The following RAB28 variants were observed in gnomAD, a reference collection of about 807,000 sequenced individuals.
RAB28 encodes the protein ras-related protein Rab-28.
Under a neutral mutation model 31.7 loss-of-function variants are expected in RAB28, and 24 were observed. That is an observed-to-expected ratio of 0.76 (90% confidence interval 0.55 to 1.06). RAB28 has a LOEUF of 1.06. Among genes scored for constraint, RAB28 ranks in the 50% least tolerant of loss-of-function variants. RAB28 has a pLI of 0.00. For missense variants in RAB28, 254 were observed against 258.5 expected (o/e 0.98, Z 0.12); for synonymous variants, 100 against 90.4 (o/e 1.11, Z -0.60).
At chr4:13,445,196 G>A (rs535164993) in intron 4 of RAB28, among the ~76,000 whole-genome samples, 52 of 151,736 alleles carry the variant, frequency 3.4e-4, no homozygotes, top group African/African-American at 1.1e-3. Context: ...TATGCTTCAC[G>A]AAGTTCTCAT....
At chr4:13,471,179 C>T (rs1323760828) in intron 3 of RAB28, among the ~76,000 whole-genome samples, 1 of 151,982 alleles carries the variant, frequency 6.6e-6, no homozygotes, top group East Asian at 1.9e-4. Context: ...ATATCAAAAT[C>T]CAAAGTATTC....
Position 13,464,295 on chromosome 4 carries a change from C to T in RAB28, c.262-3467G>A, listed in dbSNP as rs770554453. ...GGCATGAAGAGAGGAAAAAAGTAAC[C>T]ATTGTGAAATATGCCCAGAGCATTA... On this transcript the variant is annotated intron_variant, in intron 3 of 6. Coordinates refer to ENST00000330852, the MANE Select transcript of RAB28 (RefSeq NM_001017979.3). 6.6e-5 allele frequency among the ~76,000 whole-genome samples: 10 copies of T among 152,158 alleles called. No individual in the cohort carries two copies. The East Asian group carries it at 1.4e-3, about 21-fold the overall frequency.
rs550228592 is a variant in RAB28 at position 13,447,504 on chromosome 4, A to C, written c.391+13195T>G. ...AGAGAGAGAAAGACCATACCTGTTG[A>C]ATTGATTTACTTACACTGCAAAACT... On this transcript the variant is annotated intron_variant, in intron 4 of 6. Coordinates refer to ENST00000330852, the MANE Select transcript of RAB28 (RefSeq NM_001017979.3). Among the ~76,000 whole-genome samples, 26 of 152,314 alleles carry C rather than the reference A, an allele frequency of 1.7e-4. 1 individual carries two copies. The East Asian group carries it at 4.6e-3, about 27-fold the overall frequency.
intron 3 of RAB28, among the ~76,000 whole-genome samples, chr4:13,469,383 C>A (rs1376472987): frequency 1.3e-5 from 2 of 151,938 alleles, no homozygotes; most frequent in Non-Finnish European, 2.9e-5. Flanking sequence ...CCTTCCACTT[C>A]TCAATTTACG....
intron 4 of RAB28, among the ~76,000 whole-genome samples, chr4:13,408,015 G>C (rs532972275): frequency 6.6e-6 from 1 of 152,064 alleles, no homozygotes; most frequent in Non-Finnish European, 1.5e-5. Flanking sequence ...TCTTTCTCTT[G>C]CCTGATTGCC....
At position 13,460,553 on chromosome 4, in the gene RAB28, T is replaced by C. The variant is rs1715540317; in HGVS notation, c.391+146A>G. On this transcript the variant is annotated intron_variant, in intron 4 of 6. Coordinates refer to ENST00000330852, the MANE Select transcript of RAB28 (RefSeq NM_001017979.3). ...TAAGGGCTCCACTCTCATGACCTAA[T>C]TACCTCCCAAAACCCCACCTCCAGA... is the stretch of plus-strand genomic sequence containing the variant. The C allele has an allele frequency of 1.6e-5, 15 of 947,450 alleles. No homozygotes were observed. In the South Asian group the frequency reaches 1.9e-4, roughly 12 times the overall value. The allele number at this position is 947,450 out of a possible 1,614,324, so 58.7% of individuals were successfully genotyped here.
At chr4:13,410,692 T>C (rs181073130) in intron 4 of RAB28, among the ~76,000 whole-genome samples, 46 of 151,894 alleles carry the variant, frequency 3.0e-4, no homozygotes, top group Admixed American at 2.6e-3. Context: ...TAAAGAACAA[T>C]GCAAAAGAAA....
intron 4 of RAB28, among the ~76,000 whole-genome samples, chr4:13,421,110 AACAG>A (rs1318028792): frequency 2.6e-5 from 4 of 152,242 alleles, no homozygotes; most frequent in South Asian, 2.1e-4. Context: ...ATACACAAAT[AACAG>A]ACAAACAGAG....
chr4:13,473,192 A>G (rs1350761496), intron 3 of RAB28, among the ~76,000 whole-genome samples: 1 of 151,990 alleles, frequency 6.6e-6, no homozygotes, highest in Non-Finnish European at 1.5e-5. Flanking sequence ...AACTTTGTAC[A>G]GCAGAGTGCT....
intron 4 of RAB28, among the ~76,000 whole-genome samples, chr4:13,448,842 T>A (rs1180685139): frequency 6.6e-6 from 1 of 152,020 alleles, no homozygotes; most frequent in East Asian, 1.9e-4. Flanking sequence ...GATCTCAGTA[T>A]GTTCCAGTAA....
intron 3 of RAB28, 136 bp downstream of exon 3, chr4:13,474,182 T>C (rs1340203135): frequency 1.3e-6 from 1 of 773,128 alleles, no homozygotes; most frequent in East Asian, 2.5e-5. Flanking sequence ...CTAGCACAAA[T>C]ATAAAATTAT....
chr4:13,420,842 G>C (rs1175457897), intron 4 of RAB28, among the ~76,000 whole-genome samples: 1 of 152,126 alleles, frequency 6.6e-6, no homozygotes, highest in East Asian at 1.9e-4. Flanking sequence ...TTTGAAAACT[G>C]GCACAAGACA....
chr4:13,425,642 C>G (rs1396079821), intron 4 of RAB28, among the ~76,000 whole-genome samples: 1 of 152,134 alleles, frequency 6.6e-6, no homozygotes, highest in Non-Finnish European at 1.5e-5. Flanking sequence ...TCTTCAAGAT[C>G]TTGAAGATAC....
rs1560148787 is a variant in RAB28, at chr4:13,479,431, TG to T, written c.170del (p.Pro57GlnfsTer4). The T allele has an allele frequency of 6.3e-7, 1 of 1,585,926 alleles. No individual in the cohort carries two copies. The highest frequency in any genetic ancestry group is 8.6e-7 in the Non-Finnish European group (1 of 1,157,852). On this transcript the variant is annotated frameshift_variant and splice_region_variant, in exon 2 of 7. Transcript: ENST00000330852. LOFTEE classifies it high-confidence loss of function. ...CGTTAAGACTTTTTAGTCTCTTACC[TG>T]GCAATGTTATCCTTCTCAAAAAGAA... The part of the protein sequence containing the change: ...LDFFLRRITL[P>X]GNLNVTLQIW...
At chr4:13,405,643 A>G (rs1712037196) in intron 4 of RAB28, among the ~76,000 whole-genome samples, 1 of 152,188 alleles carries the variant, frequency 6.6e-6, no homozygotes, top group African/African-American at 2.4e-5. Context: ...TAAATATTGT[A>G]ATCATGGGAG....
intron 4 of RAB28, among the ~76,000 whole-genome samples, chr4:13,443,597 T>C (rs1444152283): frequency 6.6e-6 from 1 of 152,246 alleles, no homozygotes. Context: ...TTGGACAATA[T>C]GATGTTTGGC....
chr4:13,467,004 G>T (rs577685295), intron 3 of RAB28, among the ~76,000 whole-genome samples: 1 of 151,674 alleles, frequency 6.6e-6, no homozygotes, highest in South Asian at 2.1e-4. Flanking sequence ...GGAGTAGACT[G>T]GTGGTTGCAG....
intron 4 of RAB28, among the ~76,000 whole-genome samples, chr4:13,458,739 T>C (rs1055500361): frequency 6.6e-6 from 1 of 152,226 alleles, no homozygotes; most frequent in African/African-American, 2.4e-5. Context: ...GACAGATAAA[T>C]ACTCACCATT....
intron 5 of RAB28, among the ~76,000 whole-genome samples, chr4:13,378,801 G>A (rs1361523021): frequency 6.6e-6 from 1 of 152,126 alleles, no homozygotes; most frequent in African/African-American, 2.4e-5. Context: ...GGTAGCAGCA[G>A]TATGTAGAAG....
Sources: allele counts gnomAD v4.1 joint callset (sites outside exome capture counted in the v4.1 genomes callset), GRCh38; gene constraint gnomAD v4.1.1; transcripts MANE v1.5; gene names NCBI Gene and HGNC (gene_info 2026-07-23, HGNC 2026-07-21).